SLC9C2: variants seen among roughly 807,000 people sequenced by gnomAD.
The protein encoded by SLC9C2 is sodium/hydrogen exchanger 11.
SLC9C2 carries 75 observed loss-of-function variants against 140.2 expected under a neutral mutation model. The observed-to-expected ratio is 0.53, with a 90% CI of 0.44 to 0.65. The LOEUF (loss-of-function observed/expected upper bound fraction) is 0.65. Ranked by LOEUF, SLC9C2 falls within the 30% of genes least tolerant of loss-of-function variation. The probability of loss-of-function intolerance (pLI) is 0.00; values close to 1 mark genes in which losing one functional copy is unlikely to be tolerated. For synonymous variants in SLC9C2, 375 were observed against 420.9 expected (o/e 0.89, Z 1.34); for missense variants, 1,074 against 1,331.8 (o/e 0.81, Z 3.01).
chr1:173,582,001 A>G lies in SLC9C2; in HGVS notation c.648T>C (p.His216=), dbSNP rs769357781. The part of the protein sequence containing the change: ...RIHFSIFRDL[H]VGIELSYDIL... The stretch of plus-strand genomic sequence containing the variant: ...TGTCATAGCTGAGTTCAATGCCTAC[A>G]TGTAAATCTAAAAAAAAGAAAGAAA... Residue 216 remains histidine (H), a synonymous_variant, in exon 7 of 28, where the codon CAT becomes CAC. Coordinates refer to ENST00000367714, the MANE Select transcript of SLC9C2 (RefSeq NM_178527.4). The G allele has an allele frequency of 4.6e-6, 7 of 1,523,164 alleles. No homozygotes were observed. In the East Asian group the frequency reaches 1.4e-4, roughly 30 times the overall value. 94.4% of individuals were successfully genotyped at this position (1,523,164 alleles called of 1,614,324 possible).
chr1:173,577,184 G>T lies in SLC9C2; in HGVS notation c.803-424C>A, dbSNP rs532872790. Among the ~76,000 whole-genome samples, 190 of 152,308 alleles carry T rather than the reference G, an allele frequency of 1.2e-3. 2 individuals carry two copies. The highest frequency in any genetic ancestry group is 4.4e-3 in the African/African-American group (182 of 41,566). On this transcript the variant is annotated intron_variant, in intron 7 of 27. Transcript: ENST00000367714. Reference sequence around the variant, plus strand: ...GCTAACAGGCAGATTTGGCCCAAGAGTCGCAGTTTGCCAAGTCCTGCTGGA... The same window carrying T: ...GCTAACAGGCAGATTTGGCCCAAGATTCGCAGTTTGCCAAGTCCTGCTGGA...
At chr1:173,586,839 T>C (rs966204668) in intron 5 of SLC9C2, among the ~76,000 whole-genome samples, 1 of 151,946 alleles carries the variant, frequency 6.6e-6, no homozygotes, top group African/African-American at 2.4e-5. Context: ...TGAGAACATA[T>C]GGACACAGGG....
Position 173,547,741 on chromosome 1 carries a change from G to A in SLC9C2, c.1505C>T (p.Thr502Ile). The A allele has an allele frequency of 1.2e-6, 2 of 1,612,402 alleles. No individual in the cohort carries two copies. The highest frequency in any genetic ancestry group is 8.5e-7 in the Non-Finnish European group (1 of 1,178,840). The change falls in exon 13 of 28, where the codon ACA becomes ATA. Residue 502 changes from threonine to isoleucine, a missense_variant. Transcript: ENST00000367714. The stretch of plus-strand genomic sequence containing the variant: ...GGCTTCCTCCATTAAAGCTTCATCT[G>A]TTGTGGATTCTGTCTTCATATCATT... ...SHNDMKTEST[T>I]DEALMEEARL...
At chr1:173,548,694 C>T (rs771875751) in intron 11 of SLC9C2, 142 bp from the exon 12 acceptor site, 5 of 805,832 alleles carry the variant, frequency 6.2e-6, no homozygotes, top group Non-Finnish European at 9.8e-6. Flanking sequence ...ATTTTTCATA[C>T]AAAACTTTCC....
In SLC9C2 at chr1:173,507,426, G is replaced by A. The variant is rs185033548; in HGVS notation, c.3040-385C>T. Reference sequence around the variant, plus strand: ...AGGAATAACACAAAGCCAAAACAAAGCAAGCTAGAGTCTGAGCTATACTTC... The same window carrying A: ...AGGAATAACACAAAGCCAAAACAAAACAAGCTAGAGTCTGAGCTATACTTC... On this transcript the variant is annotated intron_variant, in intron 24 of 27. Coordinates refer to ENST00000367714, the MANE Select transcript of SLC9C2 (RefSeq NM_178527.4). Among the ~76,000 whole-genome samples, 752 of 152,168 alleles carry A rather than the reference G, an allele frequency of 4.9e-3. 7 individuals carry two copies. The highest frequency in any genetic ancestry group is 0.017 in the African/African-American group (712 of 41,502).
intron 7 of SLC9C2, among the ~76,000 whole-genome samples, chr1:173,579,505 A>G (rs1665390490): frequency 6.6e-6 from 1 of 152,162 alleles, no homozygotes; most frequent in Non-Finnish European, 1.5e-5. Context: ...AGCTTAAACT[A>G]GAACCAAGGT....
chr1:173,550,436 A>ATTTTTTT (rs1467477294), intron 11 of SLC9C2, among the ~76,000 whole-genome samples: 19 of 122,900 alleles, frequency 1.5e-4, no homozygotes, highest in African/African-American at 7.0e-4. Flanking sequence ...TTATTTATTT[A>ATTTTTTT]TTTATTTATT....
rs761909025 is a variant in SLC9C2, at chr1:173,533,815, G to A, written c.1975-18C>T. Reference sequence around the variant, plus strand: ...ATTATTATCTGTACAGAAAACAAATGTCATTTCATAGCACCTATACAGTAA... The same window carrying A: ...ATTATTATCTGTACAGAAAACAAATATCATTTCATAGCACCTATACAGTAA... On this transcript the variant is annotated intron_variant, in intron 16 of 27. Transcript: ENST00000367714. 6.3e-7 allele frequency: 1 copy of A among 1,588,526 alleles called. No individual in the cohort carries two copies. Among genetic ancestry groups the A allele is most frequent in the East Asian group, 2.3e-5 (1 of 44,206 alleles).
chr1:173,502,480 TAATAGAG>T (rs1378524719), intron 27 of SLC9C2, among the ~76,000 whole-genome samples: 2 of 152,046 alleles, frequency 1.3e-5, no homozygotes, highest in Admixed American at 1.3e-4. Flanking sequence ...ACAGGAGCCC[TAATAGAG>T]ACCTCTACAG....
Position 173,521,477 on chromosome 1 carries a change from CTATA to C in SLC9C2, c.2641-82_2641-79del, listed in dbSNP as rs146332693. 348 of 252,450 alleles carry C rather than the reference CTATA, an allele frequency of 1.4e-3. 1 individual carries two copies. The highest frequency in any genetic ancestry group is 4.2e-3 in the East Asian group (68 of 16,214). The allele number at this position is 252,450 out of a possible 1,614,324, so 15.6% of individuals were successfully genotyped here. ...CCTAGTCTACTTTTCTAAATATTTT[CTATA>C]TATATATATATATATATGATTTTAT... On this transcript the variant is annotated intron_variant, in intron 21 of 27. Transcript: ENST00000367714.
At chr1:173,505,439 G>T in intron 25 of SLC9C2, 108 bp from the exon 26 acceptor site, 1 of 792,344 alleles carries the variant, frequency 1.3e-6, no homozygotes, top group Non-Finnish European at 2.1e-6. Context: ...GCCTAAAGCT[G>T]GGTCTTCAAT....
intron 4 of SLC9C2, among the ~76,000 whole-genome samples, chr1:173,588,727 C>T (rs1665993484): frequency 6.6e-6 from 1 of 151,940 alleles, no homozygotes; most frequent in South Asian, 2.1e-4. Flanking sequence ...TTTTCTTTCT[C>T]TTAATATTCC....
intron 3 of SLC9C2, 46 bp from the exon 4 acceptor site, chr1:173,598,078 A>G (rs933640883): frequency 3.4e-5 from 53 of 1,540,730 alleles, no homozygotes; most frequent in Non-Finnish European, 4.5e-5. Context: ...TACCATTTCC[A>G]AGTATTAGAA....
chr1:173,511,009 A>AT (rs1219098585), intron 23 of SLC9C2, among the ~76,000 whole-genome samples: 1 of 84,886 alleles, frequency 1.2e-5, no homozygotes, highest in Non-Finnish European at 2.4e-5. Flanking sequence ...TGTTTCCTGG[A>AT]TTTTTTTTCC....
intron 11 of SLC9C2, among the ~76,000 whole-genome samples, chr1:173,549,724 A>G (rs1221312161): frequency 6.6e-6 from 1 of 152,206 alleles, no homozygotes; most frequent in African/African-American, 2.4e-5. Context: ...AACGATGAAC[A>G]TTGACTCTGA....
intron 20 of SLC9C2, 52 bp from the exon 21 acceptor site, chr1:173,524,146 G>A (rs1366219295): frequency 2.0e-6 from 3 of 1,496,212 alleles, no homozygotes; most frequent in Non-Finnish European, 2.7e-6. Context: ...ACAGAAAATG[G>A]ACACTAGGGA....
intron 9 of SLC9C2, among the ~76,000 whole-genome samples, chr1:173,560,002 T>G (rs1440337505): frequency 6.6e-6 from 1 of 152,218 alleles, no homozygotes; most frequent in East Asian, 1.9e-4. Flanking sequence ...TCTACCAAGC[T>G]TGTCTGTTGA....
intron 9 of SLC9C2, among the ~76,000 whole-genome samples, chr1:173,568,663 G>C (rs1232983082): frequency 2.0e-5 from 3 of 152,100 alleles, no homozygotes; most frequent in African/African-American, 7.2e-5. Context: ...AGATTGCTGG[G>C]CCAAATGGCA....
chr1:173,505,157 C>T (rs530281992), intron 26 of SLC9C2, 90 bp downstream of exon 26: 17 of 1,119,024 alleles, frequency 1.5e-5, no homozygotes, highest in Non-Finnish European at 2.2e-5. Context: ...ATAGTGCCCT[C>T]TCAAATCACT....
Sources: gnomAD v4.1 joint callset for allele counts (sites outside exome capture counted in the v4.1 genomes callset) on GRCh38, gnomAD v4.1.1 for gene constraint, MANE v1.5 for transcripts, NCBI Gene and HGNC (gene_info 2026-07-23, HGNC 2026-07-21) for gene names.